CNTN5: variants seen among roughly 807,000 people sequenced by gnomAD.
CNTN5 encodes the protein contactin 5.
CNTN5 carries 77 observed loss-of-function variants against 129.1 expected under a neutral mutation model. That is an observed-to-expected ratio of 0.60 (90% CI 0.50 to 0.72). The LOEUF is 0.72. Among genes scored for constraint, CNTN5 ranks in the 30% least tolerant of loss-of-function variants. The pLI is 0.00. For synonymous variants in CNTN5, 509 were observed against 465.6 expected (o/e 1.09, Z -1.20); for missense variants, 1,478 against 1,328.8 (o/e 1.11, Z -1.75).
At chr11:100,226,993 T>C (rs1009476898) in intron 16 of CNTN5, among the ~76,000 whole-genome samples, 5 of 152,044 alleles carry the variant, frequency 3.3e-5, no homozygotes, top group African/African-American at 1.2e-4. Flanking sequence ...ATGGCTACAA[T>C]TCTGGCAGCA....
chr11:99,265,944 TAGAAAC>T (rs1173864924), intron 1 of CNTN5, among the ~76,000 whole-genome samples: 1 of 152,082 alleles, frequency 6.6e-6, no homozygotes, highest in Non-Finnish European at 1.5e-5. Context: ...ATTTCAATGA[TAGAAAC>T]AGATACATAA....
chr11:99,830,909 C>T (rs10893957), intron 4 of CNTN5, among the ~76,000 whole-genome samples: 69,043 of 151,892 alleles, frequency 0.45, 16,649 homozygotes, highest in Non-Finnish European at 0.54. Flanking sequence ...TAAGCAGGAA[C>T]CTATTTGAGG....
At chr11:99,290,537 A>G (rs971670643) in intron 1 of CNTN5, among the ~76,000 whole-genome samples, 1 of 151,934 alleles carries the variant, frequency 6.6e-6, no homozygotes, top group South Asian at 2.1e-4. Context: ...TTCATTCTAC[A>G]TTTACTACAG....
chr11:100,199,763 A>G (rs1486675137), intron 15 of CNTN5, among the ~76,000 whole-genome samples: 1 of 151,978 alleles, frequency 6.6e-6, no homozygotes, highest in Non-Finnish European at 1.5e-5. Context: ...TGATCAATAT[A>G]TGCCATTTAA....
At chr11:99,902,656 G>T (rs1042079416) in intron 6 of CNTN5, among the ~76,000 whole-genome samples, 3 of 152,060 alleles carry the variant, frequency 2.0e-5, no homozygotes, top group Admixed American at 6.6e-5. Flanking sequence ...ATTCTCTCAA[G>T]AATTAATTTA....
rs547836230 is a variant in CNTN5, at chr11:99,775,452, T to G, written c.56-44092T>G. Among the ~76,000 whole-genome samples, 138 of 152,134 alleles carry G rather than the reference T, an allele frequency of 9.1e-4. 2 individuals are homozygous for G. Among genetic ancestry groups the G allele is most frequent in the African/African-American group, 3.1e-3 (129 of 41,532 alleles). On this transcript the variant is annotated intron_variant, in intron 3 of 24. Transcript: ENST00000524871. ...AATGAAGGTTAATATCTAATCCAGTTAAATATAAAAATATATTGTGATTAA... is the reference window on the plus strand; with the variant it reads ...AATGAAGGTTAATATCTAATCCAGTGAAATATAAAAATATATTGTGATTAA...
intron 1 of CNTN5, among the ~76,000 whole-genome samples, chr11:99,236,759 C>G (rs532431720): frequency 7.2e-5 from 11 of 152,200 alleles, no homozygotes; most frequent in African/African-American, 2.6e-4. Context: ...GAAGTAACTG[C>G]TCACTATTTT....
chr11:99,151,677 G>T (rs1860064513), intron 1 of CNTN5, among the ~76,000 whole-genome samples: 1 of 152,066 alleles, frequency 6.6e-6, no homozygotes, highest in African/African-American at 2.4e-5. Flanking sequence ...TGTTAGACTG[G>T]ATAAAGAAAA....
At chr11:100,212,148 T>C (rs1168164283) in intron 15 of CNTN5, among the ~76,000 whole-genome samples, 2 of 152,170 alleles carry the variant, frequency 1.3e-5, no homozygotes, top group Non-Finnish European at 2.9e-5. Context: ...AATTGTTTTA[T>C]AAAAATTAAA....
At chr11:99,652,304 G>T (rs942572218) in intron 3 of CNTN5, among the ~76,000 whole-genome samples, 1 of 152,044 alleles carries the variant, frequency 6.6e-6, no homozygotes, top group Non-Finnish European at 1.5e-5. Flanking sequence ...TTCAGTGCCA[G>T]CAGGGCAATC....
chr11:100,270,793 C>T (rs1446979000), intron 17 of CNTN5, among the ~76,000 whole-genome samples: 1 of 152,154 alleles, frequency 6.6e-6, no homozygotes, highest in Non-Finnish European at 1.5e-5. Flanking sequence ...TAATTGGCCC[C>T]TTATCTGGGG....
intron 9 of CNTN5, among the ~76,000 whole-genome samples, chr11:100,032,613 G>GTATGACTTTGT (rs1026227591): frequency 2.0e-5 from 3 of 151,938 alleles, no homozygotes; most frequent in Non-Finnish European, 2.9e-5. Context: ...CATAATTCTT[G>GTATGACTTTGT]TATGACTTTG....
At chr11:99,126,236 A>G (rs922262096) in intron 1 of CNTN5, among the ~76,000 whole-genome samples, 1 of 152,192 alleles carries the variant, frequency 6.6e-6, no homozygotes, top group Non-Finnish European at 1.5e-5. Flanking sequence ...CCTTTTAAGT[A>G]TTCTTACTGT....
At chr11:99,249,159 T>C (rs932029184) in intron 1 of CNTN5, among the ~76,000 whole-genome samples, 14 of 152,164 alleles carry the variant, frequency 9.2e-5, no homozygotes, top group Non-Finnish European at 1.5e-4. Context: ...TGGTTTGTAG[T>C]TCTCCTTGAA....
At chr11:99,391,500 T>C (rs1481792622) in intron 2 of CNTN5, among the ~76,000 whole-genome samples, 1 of 152,144 alleles carries the variant, frequency 6.6e-6, no homozygotes, top group Non-Finnish European at 1.5e-5. Flanking sequence ...TCATCACATA[T>C]GTGGACACAC....
intron 2 of CNTN5, among the ~76,000 whole-genome samples, chr11:99,447,850 A>G (rs1431075359): frequency 6.6e-6 from 1 of 152,160 alleles, no homozygotes; most frequent in Non-Finnish European, 1.5e-5. Context: ...GTTTGAACCC[A>G]GGAGGCAGAA....
intron 3 of CNTN5, among the ~76,000 whole-genome samples, chr11:99,793,883 T>A (rs1252283824): frequency 6.6e-6 from 1 of 152,248 alleles, no homozygotes; most frequent in Non-Finnish European, 1.5e-5. Flanking sequence ...GAAGAATACA[T>A]AATCTATTGT....
In CNTN5 at chr11:99,110,629, C is replaced by T. The variant is rs1044452785; in HGVS notation, c.-210+89359C>T. 2.3e-4 allele frequency among the ~76,000 whole-genome samples: 35 copies of T among 152,028 alleles called. 1 individual carries two copies. Among genetic ancestry groups the T allele is most frequent in the African/African-American group, 8.5e-4 (35 of 41,418 alleles). ...ACATGTTCACACGGGAAAATATCCC[C>T]TTTGGTTTTTCATTCACTCGTCAGC... On this transcript the variant is annotated intron_variant, in intron 1 of 24. Transcript: ENST00000524871.
chr11:99,808,346 G>A (rs1441933395), intron 3 of CNTN5, among the ~76,000 whole-genome samples: 29 of 103,926 alleles, frequency 2.8e-4, no homozygotes, highest in Non-Finnish European at 6.8e-5. Context: ...GCTGTCAGTT[G>A]AGGCTACAAA....
Sources: gnomAD v4.1 joint callset for allele counts (sites outside exome capture counted in the v4.1 genomes callset) on GRCh38, gnomAD v4.1.1 for gene constraint, MANE v1.5 for transcripts, NCBI Gene and HGNC (gene_info 2026-07-23, HGNC 2026-07-21) for gene names.